The following LRRC4C variants were observed in gnomAD, a reference collection of about 807,000 sequenced individuals.
The protein encoded by LRRC4C is leucine-rich repeat-containing protein 4C.
A neutral mutation model predicts 33.6 loss-of-function variants in LRRC4C; 5 were observed. The observed-to-expected ratio is 0.15, with a 90% CI of 0.08 to 0.31. The LOEUF is 0.31. Among genes scored for constraint, LRRC4C ranks in the 10% least tolerant of loss-of-function variants. The pLI is 1.00. For synonymous variants in LRRC4C, 329 were observed against 302.0 expected (o/e 1.09, Z -0.93); for missense variants, 560 against 796.7 (o/e 0.70, Z 3.58).
At chr11:40,348,474 C>T (rs1391457572) in intron 3 of LRRC4C, among the ~76,000 whole-genome samples, 1 of 152,172 alleles carries the variant, frequency 6.6e-6, no homozygotes, top group African/African-American at 2.4e-5. Context: ...AGTCCAAAAT[C>T]ACGTGCACTG....
chr11:41,125,283 T>A (rs1180132465), intron 1 of LRRC4C, among the ~76,000 whole-genome samples: 1 of 19,238 alleles, frequency 5.2e-5, no homozygotes, highest in Non-Finnish European at 1.7e-4. Context: ...GAAATGAAAA[T>A]AACATTTAAA....
At chr11:40,517,343 G>T (rs1201793681) in intron 3 of LRRC4C, among the ~76,000 whole-genome samples, 1 of 152,092 alleles carries the variant, frequency 6.6e-6, no homozygotes, top group Admixed American at 6.6e-5. Flanking sequence ...CATTACTCTG[G>T]AAGGCATTGA....
intron 1 of LRRC4C, among the ~76,000 whole-genome samples, chr11:40,969,462 CAA>C (rs35793654): frequency 5.6e-5 from 8 of 143,284 alleles, no homozygotes; most frequent in African/African-American, 2.1e-4. Flanking sequence ...TCTTACACTA[CAA>C]AAAAAAAAAA....
At chr11:40,975,415 G>A (rs529754743) in intron 1 of LRRC4C, among the ~76,000 whole-genome samples, 94 of 152,200 alleles carry the variant, frequency 6.2e-4, no homozygotes, top group African/African-American at 1.9e-3. Flanking sequence ...GCTTGACCCC[G>A]CATGATACAA....
rs550605478 is a variant in LRRC4C, at chr11:41,194,378, T to G, written c.-495-260655A>C. Among the ~76,000 whole-genome samples the G allele has an allele frequency of 3.0e-3, 455 of 152,240 alleles. 2 individuals are homozygous for G. The highest frequency in any genetic ancestry group is 5.2e-3 in the Non-Finnish European group (353 of 68,000). On this transcript the variant is annotated intron_variant, in intron 1 of 6. Coordinates refer to ENST00000528697, the MANE Select transcript of LRRC4C (RefSeq NM_001258419.2). ...TATGAGTATAGAGACATAAAACTCA[T>G]GATTGTCTCCTGGTATTCATGTCTT...
chr11:40,682,782 T>TAAATAAAAG (rs1196912071), intron 2 of LRRC4C, among the ~76,000 whole-genome samples: 15 of 88,104 alleles, frequency 1.7e-4, no homozygotes, highest in South Asian at 1.1e-3. Context: ...ATAAATAAAA[T>TAAATAAAAG]AAAGATATCT....
intron 1 of LRRC4C, among the ~76,000 whole-genome samples, chr11:41,201,315 A>T (rs1006527343): frequency 6.6e-6 from 1 of 152,176 alleles, no homozygotes; most frequent in African/African-American, 2.4e-5. Context: ...TTATTTGGAG[A>T]CGTTTAGGGA....
At chr11:40,686,791 C>T (rs1383495600) in intron 2 of LRRC4C, among the ~76,000 whole-genome samples, 1 of 152,026 alleles carries the variant, frequency 6.6e-6, no homozygotes, top group Non-Finnish European at 1.5e-5. Flanking sequence ...TTATAGGGTA[C>T]ATCTGCTACG....
At chr11:40,987,482 G>A (rs909829129) in intron 1 of LRRC4C, among the ~76,000 whole-genome samples, 6 of 151,394 alleles carry the variant, frequency 4.0e-5, no homozygotes, top group Non-Finnish European at 5.9e-5. Context: ...TCAGAAAAAC[G>A]TGCTTTTTAA....
intron 4 of LRRC4C, among the ~76,000 whole-genome samples, chr11:40,295,147 G>A (rs535063289): frequency 4.6e-5 from 7 of 152,258 alleles, no homozygotes; most frequent in African/African-American, 1.7e-4. Flanking sequence ...TCCTTAGAGG[G>A]ACTGGGCCAA....
intron 1 of LRRC4C, among the ~76,000 whole-genome samples, chr11:41,344,602 AAAC>A (rs1325185196): frequency 4.6e-5 from 7 of 152,226 alleles, no homozygotes; most frequent in Non-Finnish European, 7.3e-5. Flanking sequence ...GACTAAAACA[AAAC>A]AAACAATAAC....
intron 6 of LRRC4C, among the ~76,000 whole-genome samples, chr11:40,125,351 G>T (rs1219086457): frequency 1.3e-5 from 2 of 149,952 alleles, no homozygotes; most frequent in African/African-American, 2.4e-5. Flanking sequence ...TGAGGACAAA[G>T]CTGATAAGAA....
intron 2 of LRRC4C, among the ~76,000 whole-genome samples, chr11:40,929,216 C>A (rs1268269699): frequency 6.6e-6 from 1 of 152,078 alleles, no homozygotes; most frequent in Non-Finnish European, 1.5e-5. Flanking sequence ...TACAGCCAGC[C>A]TTCCTTTTTG....
chr11:40,787,751 C>T (rs1950472357), intron 2 of LRRC4C, among the ~76,000 whole-genome samples: 1 of 152,156 alleles, frequency 6.6e-6, no homozygotes, highest in Non-Finnish European at 1.5e-5. Context: ...TACAAACAAA[C>T]CCGGCAACAG....
intron 1 of LRRC4C, among the ~76,000 whole-genome samples, chr11:40,989,851 G>T (rs1476137323): frequency 6.6e-6 from 1 of 151,630 alleles, no homozygotes; most frequent in Non-Finnish European, 1.5e-5. Context: ...TAAACCAACT[G>T]CAGTTTAAAA....
intron 1 of LRRC4C, among the ~76,000 whole-genome samples, chr11:41,377,148 C>T (rs1207932096): frequency 6.6e-6 from 1 of 152,150 alleles, no homozygotes; most frequent in Non-Finnish European, 1.5e-5. Flanking sequence ...AGTAAAAGTA[C>T]ATGTGAAATT....
chr11:40,622,526 C>T (rs568733676), intron 3 of LRRC4C, among the ~76,000 whole-genome samples: 1 of 151,958 alleles, frequency 6.6e-6, no homozygotes, highest in Admixed American at 6.6e-5. Context: ...AGTCAAGCCG[C>T]ATTCTAGCTT....
In LRRC4C at chr11:40,237,381, CCA is replaced by C. The variant is rs536773547; in HGVS notation, c.-96+4136_-96+4137del. Among the ~76,000 whole-genome samples the C allele has an allele frequency of 2.0e-3, 311 of 152,314 alleles. 2 individuals carry two copies. Among genetic ancestry groups the C allele is most frequent in the African/African-American group, 7.3e-3 (302 of 41,574 alleles). On this transcript the variant is annotated intron_variant, in intron 5 of 6. Coordinates refer to ENST00000528697, the MANE Select transcript of LRRC4C (RefSeq NM_001258419.2). ...CCTGGTGGTACAGAGCATTAGAGGT[CCA>C]GAGTCTTGCCTCAGCTCTGCTGGGC...
chr11:40,768,622 T>C (rs1216622392), intron 2 of LRRC4C, among the ~76,000 whole-genome samples: 1 of 152,008 alleles, frequency 6.6e-6, no homozygotes, highest in East Asian at 1.9e-4. Flanking sequence ...CAACAACATA[T>C]TGAAAGGATC....
Sources: allele counts gnomAD v4.1 joint callset (sites outside exome capture counted in the v4.1 genomes callset), GRCh38; gene constraint gnomAD v4.1.1; transcripts MANE v1.5; gene names NCBI Gene and HGNC (gene_info 2026-07-23, HGNC 2026-07-21).